The following GLP1R variants were observed in gnomAD, a reference collection of about 807,000 sequenced individuals.
The protein encoded by GLP1R is glucagon like peptide 1 receptor, also known as glucagon-like peptide 1 receptor.
In GLP1R, 32 loss-of-function variants were observed where a neutral mutation model predicts 68.4. That is an observed-to-expected ratio of 0.47 (90% CI 0.35 to 0.63). The LOEUF (loss-of-function observed/expected upper bound fraction) is 0.63, where lower values mean the gene tolerates loss of function less well. Among genes scored for constraint, GLP1R ranks in the 20% least tolerant of loss-of-function variants. GLP1R has a pLI of 0.00. For missense variants in GLP1R, 502 were observed against 594.9 expected, an observed-to-expected ratio of 0.84 and a Z score of 1.62; for synonymous variants, 263 against 244.4, an observed-to-expected ratio of 1.08 and a Z score of -0.71.
intron 7 of GLP1R, among the ~76,000 whole-genome samples, chr6:39,076,390 G>A (rs531058593): frequency 2.0e-5 from 3 of 152,242 alleles, no homozygotes; most frequent in African/African-American, 7.2e-5. Flanking sequence ...CTAAAGCACC[G>A]TAGATGCTGA....
chr6:39,068,332 G>A (rs1768571492), intron 5 of GLP1R, among the ~76,000 whole-genome samples: 1 of 152,188 alleles, frequency 6.6e-6, no homozygotes, highest in Admixed American at 6.5e-5. Context: ...TTCAGCTCAT[G>A]TGGCAGCTCT....
At position 39,051,894 on chromosome 6, in the gene GLP1R, T is replaced by G. The variant is rs201933039; in HGVS notation, c.78+2976T>G. Among the ~76,000 whole-genome samples the G allele has an allele frequency of 5.4e-3, 605 of 112,570 alleles. 2 individuals carry two copies. The highest frequency in any genetic ancestry group is 0.021 in the East Asian group (70 of 3,360). The allele number at this position is 112,570 out of a possible 152,430, so 73.9% of individuals were successfully genotyped here. A position where few individuals can be genotyped will look rare whatever the true frequency, so the allele number is the denominator to read the frequency against. ...CTGTGGGAGGGTCTGTGTGTGTGTG[T>G]GGGGGGGGGGGCATCTTGGTGTGTG... is the stretch of plus-strand genomic sequence containing the variant. On this transcript the variant is annotated intron_variant, in intron 1 of 12. Coordinates refer to ENST00000373256, the MANE Select transcript of GLP1R (RefSeq NM_002062.5).
rs142803661 is a variant in GLP1R, at chr6:39,050,437, C to T, written c.78+1519C>T. Among the ~76,000 whole-genome samples, 161 of 152,156 alleles carry T rather than the reference C, an allele frequency of 1.1e-3. 2 individuals are homozygous for T. Among genetic ancestry groups the T allele is most frequent in the African/African-American group, 3.4e-3 (141 of 41,432 alleles). On this transcript the variant is annotated intron_variant, in intron 1 of 12. Transcript: ENST00000373256. Reference sequence around the variant, plus strand: ...TTTCTGTGAGCTGTCTTCCCAGAGGCCTTATTCCCAGAAGTGTCAGGCTCC... The same window carrying T: ...TTTCTGTGAGCTGTCTTCCCAGAGGTCTTATTCCCAGAAGTGTCAGGCTCC...
Position 39,090,198 on chromosome 6 carries a change from A to G in GLP1R, c.*4125A>G, listed in dbSNP as rs1412869262. ...GCATTATTAAGCAGTATAATTTCAA[A>G]CACTTTACTTAGTGCCACAGTGTGT... On this transcript the variant is annotated 3_prime_UTR_variant, in exon 13 of 13. Coordinates refer to ENST00000373256, the MANE Select transcript of GLP1R (RefSeq NM_002062.5). Among the ~76,000 whole-genome samples, 1 of 152,158 alleles carries G rather than the reference A, an allele frequency of 6.6e-6. No homozygotes were observed. Among genetic ancestry groups the G allele is most frequent in the Non-Finnish European group, 1.5e-5 (1 of 68,026 alleles).
Position 39,060,595 on chromosome 6 carries a change from T to C in GLP1R, c.283+3016T>C, listed in dbSNP as rs74627255. On this transcript the variant is annotated intron_variant, in intron 3 of 12. Coordinates refer to ENST00000373256, the MANE Select transcript of GLP1R (RefSeq NM_002062.5). ...GACAAAGTCACAGGCAGACTTCAAA[T>C]CAAGGCAGGGAGGGAGCAGGGGAGA... 2.9e-3 allele frequency among the ~76,000 whole-genome samples: 440 copies of C among 152,208 alleles called. 2 individuals are homozygous for C. The highest frequency in any genetic ancestry group is 0.014 in the Middle Eastern group (4 of 294).
At chr6:39,083,224 C>G (rs142863662) in intron 12 of GLP1R, among the ~76,000 whole-genome samples, 121 of 152,338 alleles carry the variant, frequency 7.9e-4, no homozygotes, top group African/African-American at 2.7e-3. Context: ...ACGGGAGAAC[C>G]TGTCTCCCTT....
intron 3 of GLP1R, among the ~76,000 whole-genome samples, chr6:39,060,851 TG>T (rs1379168700): frequency 6.6e-6 from 1 of 151,190 alleles, no homozygotes; most frequent in African/African-American, 2.4e-5. Flanking sequence ...ACCTTAGAGG[TG>T]TGTGAGTGTG....
At position 39,059,593 on chromosome 6, in the gene GLP1R, C is replaced by G. The variant is rs568307960; in HGVS notation, c.283+2014C>G. ...CCTCTCTGTGCCTTGGTTGACTCAT[C>G]TGGGAGATGGTATAGAGCCAAGTGA... On this transcript the variant is annotated intron_variant, in intron 3 of 12. Coordinates refer to ENST00000373256, the MANE Select transcript of GLP1R (RefSeq NM_002062.5). Among the ~76,000 whole-genome samples the G allele has an allele frequency of 2.6e-5, 4 of 152,314 alleles. No individual in the cohort carries two copies. The South Asian group carries it at 8.3e-4, about 32-fold the overall frequency.
chr6:39,073,855 C>T (rs576172562), intron 7 of GLP1R, 86 bp downstream of exon 7: 10 of 1,273,398 alleles, frequency 7.9e-6, no homozygotes, highest in African/African-American at 2.9e-5. Context: ...TTGGAACGCA[C>T]TGCTGAGCAA....
Position 39,073,594 on chromosome 6 carries a change from C to CT in GLP1R, c.664-14dup. The CT allele has an allele frequency of 6.2e-7, 1 of 1,612,324 alleles. No homozygotes were observed. Among genetic ancestry groups the CT allele is most frequent in the South Asian group, 1.1e-5 (1 of 90,992 alleles). On this transcript the variant is annotated splice_polypyrimidine_tract_variant and intron_variant, in intron 6 of 12. Coordinates refer to ENST00000373256, the MANE Select transcript of GLP1R (RefSeq NM_002062.5). ...GCAGAGCTGTTGTCCCCATGACACC[C>CT]TTCCTCTACCCCCAGGACTCTCTGA...
intron 7 of GLP1R, among the ~76,000 whole-genome samples, chr6:39,076,104 AT>A (rs1329966023): frequency 6.6e-6 from 1 of 152,212 alleles, no homozygotes; most frequent in African/African-American, 2.4e-5. Flanking sequence ...GGTCTGGCTG[AT>A]AACATGGGTG....
chr6:39,070,100 C>T (rs77751167), intron 5 of GLP1R, among the ~76,000 whole-genome samples: 3,239 of 152,258 alleles, frequency 0.021, 130 homozygotes, highest in African/African-American at 0.074. Context: ...TTTATAAGGA[C>T]GCTAATCCCA....
At chr6:39,071,256 GA>G (rs1768655006) in intron 5 of GLP1R, among the ~76,000 whole-genome samples, 1 of 145,762 alleles carries the variant, frequency 6.9e-6, no homozygotes, top group Non-Finnish European at 1.5e-5. Flanking sequence ...TGAGGCGGGA[GA>G]ATCACTTGAA....
intron 12 of GLP1R, among the ~76,000 whole-genome samples, chr6:39,084,055 G>C (rs555515854): frequency 6.6e-6 from 1 of 152,258 alleles, no homozygotes; most frequent in South Asian, 2.1e-4. Context: ...CCAGGTGAGA[G>C]GTAGGAGATG....
At chr6:39,078,411 G>T (rs377229216) in intron 8 of GLP1R, 29 bp downstream of exon 8, 8 of 1,513,874 alleles carry the variant, frequency 5.3e-6, no homozygotes, top group Non-Finnish European at 7.3e-6. Context: ...GGGGGCGGGT[G>T]TGCCCAGGTC....
chr6:39,079,211 T>G lies in GLP1R; in HGVS notation c.1043+11T>G. 2 of 1,592,346 alleles carry G rather than the reference T, an allele frequency of 1.3e-6. No homozygotes were observed. The highest frequency in any genetic ancestry group is 8.6e-7 in the Non-Finnish European group (1 of 1,160,172). On this transcript the variant is annotated intron_variant, in intron 10 of 12. Coordinates refer to ENST00000373256, the MANE Select transcript of GLP1R (RefSeq NM_002062.5). The surrounding 1 kb of genome is among the most constrained non-coding windows in gnomAD (Gnocchi z 4.5). ...AGACATCAAATGCAGGTGATGTAACTGAGCTGGCTTTACTGAGGACCCTCA... is the reference window on the plus strand; with the variant it reads ...AGACATCAAATGCAGGTGATGTAACGGAGCTGGCTTTACTGAGGACCCTCA...
Position 39,048,909 on chromosome 6 carries a change from C to T in GLP1R, c.69C>T (p.Pro23=). ...TCGGGATGGTGGGCAGGGCCGGCCC[C>T]CGCCCCCAGGTGAGATCCAGGGACC... The part of the protein sequence containing the change: ...LLLGMVGRAG[P]RPQGATVSLW... Residue 23 remains proline, a synonymous_variant, in exon 1 of 13, where the codon CCC becomes CCT. Transcript: ENST00000373256. The T allele has an allele frequency of 7.1e-7, 1 of 1,407,950 alleles. No individual in the cohort carries two copies. Among genetic ancestry groups the T allele is most frequent in the Non-Finnish European group, 9.3e-7 (1 of 1,074,966 alleles). 87.2% of individuals were successfully genotyped at this position (1,407,950 alleles called of 1,614,324 possible).
In GLP1R at chr6:39,087,568, C is replaced by T. The variant is rs1026382645; in HGVS notation, c.*1495C>T. The T allele has an allele frequency of 1.3e-5, 2 of 152,180 alleles. No individual in the cohort carries two copies. The highest frequency in any genetic ancestry group is 4.8e-5 in the African/African-American group (2 of 41,448). The allele number at this position is 152,180 out of a possible 1,614,324, so 9.4% of individuals were successfully genotyped here. A position where few individuals can be genotyped will look rare whatever the true frequency, so the allele number is the denominator to read the frequency against. ...TGGGAGTCAGGACCTCCGGGGAGAG[C>T]AGAGGGTTCCGACGGATTCCTTTAT... On this transcript the variant is annotated 3_prime_UTR_variant, in exon 13 of 13. Coordinates refer to ENST00000373256, the MANE Select transcript of GLP1R (RefSeq NM_002062.5).
intron 1 of GLP1R, among the ~76,000 whole-genome samples, chr6:39,051,020 G>A (rs1768074855): frequency 6.6e-6 from 1 of 152,088 alleles, no homozygotes; most frequent in Non-Finnish European, 1.5e-5. Flanking sequence ...TCTGAAGAAG[G>A]TGCCCTAGGC....
Sources: allele counts gnomAD v4.1 joint callset (sites outside exome capture counted in the v4.1 genomes callset), GRCh38; gene constraint gnomAD v4.1.1; non-coding constraint Gnocchi (gnomAD v3.1); transcripts MANE v1.5; gene names NCBI Gene and HGNC (gene_info 2026-07-23, HGNC 2026-07-21).